The following CDKAL1 variants were observed in gnomAD, a reference collection of about 807,000 sequenced individuals.
The protein encoded by CDKAL1 is CDKAL1 threonylcarbamoyladenosine tRNA methylthiotransferase.
CDKAL1 carries 32 observed loss-of-function variants against 68.2 expected under a neutral mutation model. The observed-to-expected ratio is 0.47, with a 90% CI of 0.35 to 0.63. The LOEUF (loss-of-function observed/expected upper bound fraction) is 0.63, where lower values mean the gene tolerates loss of function less well. Among genes scored for constraint, CDKAL1 ranks in the 30% least tolerant of loss-of-function variants. The pLI is 0.00. For synonymous variants in CDKAL1, 234 were observed against 244.3 expected (o/e 0.96, Z 0.39); for missense variants, 606 against 696.7 (o/e 0.87, Z 1.47).
intron 8 of CDKAL1, among the ~76,000 whole-genome samples, chr6:20,786,751 C>T (rs953546412): frequency 6.6e-6 from 1 of 152,050 alleles, no homozygotes; most frequent in Admixed American, 6.5e-5. Context: ...CCTGCCTCGG[C>T]CTCCCAGTGT....
chr6:20,922,136 A>T (rs1762983545), intron 9 of CDKAL1, among the ~76,000 whole-genome samples: 1 of 152,214 alleles, frequency 6.6e-6, no homozygotes, highest in African/African-American at 2.4e-5. Flanking sequence ...AGAGAAAAGA[A>T]CCATCTCAAA....
At chr6:21,152,436 G>A (rs1021387889) in intron 13 of CDKAL1, among the ~76,000 whole-genome samples, 1 of 152,198 alleles carries the variant, frequency 6.6e-6, no homozygotes, top group Non-Finnish European at 1.5e-5. Context: ...TCTTGAGTAA[G>A]ATGAAGTTCC....
At chr6:20,769,917 C>T (rs752659688) in intron 7 of CDKAL1, among the ~76,000 whole-genome samples, 10 of 152,108 alleles carry the variant, frequency 6.6e-5, no homozygotes, top group Non-Finnish European at 8.8e-5. Flanking sequence ...TTCTGTGAAG[C>T]TGTTAATATT....
At chr6:20,595,142 A>G (rs1765765261) in intron 4 of CDKAL1, among the ~76,000 whole-genome samples, 1 of 151,948 alleles carries the variant, frequency 6.6e-6, no homozygotes, top group South Asian at 2.1e-4. Context: ...TCTGACGATT[A>G]TGTGTCTTGG....
chr6:20,661,296 G>A (rs532117943), intron 5 of CDKAL1, among the ~76,000 whole-genome samples: 1 of 152,194 alleles, frequency 6.6e-6, no homozygotes, highest in East Asian at 1.9e-4. Flanking sequence ...TTCTGTTGTT[G>A]CGAGGATTTT....
chr6:20,803,710 G>A (rs1430064421), intron 8 of CDKAL1, among the ~76,000 whole-genome samples: 1 of 152,094 alleles, frequency 6.6e-6, no homozygotes, highest in Non-Finnish European at 1.5e-5. Flanking sequence ...GTAGAGATGG[G>A]GCTCTAGTTG....
rs149496721 is a variant in CDKAL1, at chr6:21,106,499, C to T, written c.1237-1902C>T. 4.3e-3 allele frequency among the ~76,000 whole-genome samples: 656 copies of T among 152,226 alleles called. 5 individuals are homozygous for T. The highest frequency in any genetic ancestry group is 0.014 in the African/African-American group (601 of 41,524). Reference sequence around the variant, plus strand: ...GCTGAGGCAAAAGGATCACTTGGGCCCAGGAGCCCAAGGCTGCAGTGAGCG... The same window carrying T: ...GCTGAGGCAAAAGGATCACTTGGGCTCAGGAGCCCAAGGCTGCAGTGAGCG... On this transcript the variant is annotated intron_variant, in intron 12 of 15. Coordinates refer to ENST00000274695, the MANE Select transcript of CDKAL1 (RefSeq NM_017774.3).
At chr6:20,898,900 G>C (rs1205735832) in intron 9 of CDKAL1, among the ~76,000 whole-genome samples, 1 of 152,024 alleles carries the variant, frequency 6.6e-6, no homozygotes, top group Non-Finnish European at 1.5e-5. Flanking sequence ...CAGAATATTA[G>C]TTCTAAGAGG....
At chr6:20,802,944 A>G (rs1239321413) in intron 8 of CDKAL1, among the ~76,000 whole-genome samples, 1 of 152,192 alleles carries the variant, frequency 6.6e-6, no homozygotes, top group Non-Finnish European at 1.5e-5. Flanking sequence ...TGCAGAAGAG[A>G]CATCCTAACA....
Position 20,911,766 on chromosome 6 carries a change from A to T in CDKAL1, c.743-43653A>T, listed in dbSNP as rs528864407. Among the ~76,000 whole-genome samples the T allele has an allele frequency of 2.6e-5, 4 of 152,246 alleles. No homozygotes were observed. In the East Asian group the frequency reaches 7.7e-4, roughly 29 times the overall value. Reference sequence around the variant, plus strand: ...GTTCCTTTCTCTTGTGTCTTCCCCAACCTCTGAGATTTGTGACACAGACTT... The same window carrying T: ...GTTCCTTTCTCTTGTGTCTTCCCCATCCTCTGAGATTTGTGACACAGACTT... On this transcript the variant is annotated intron_variant, in intron 9 of 15. Transcript: ENST00000274695.
intron 9 of CDKAL1, among the ~76,000 whole-genome samples, chr6:20,863,059 A>G (rs947930686): frequency 6.6e-6 from 1 of 152,200 alleles, no homozygotes; most frequent in Non-Finnish European, 1.5e-5. Flanking sequence ...ACTGGACTAT[A>G]TGCATATTTA....
intron 12 of CDKAL1, among the ~76,000 whole-genome samples, chr6:21,099,565 A>G (rs1773480676): frequency 6.6e-6 from 1 of 152,224 alleles, no homozygotes; most frequent in African/African-American, 2.4e-5. Flanking sequence ...CAGGTAGTCC[A>G]GGAAAGAAAA....
chr6:21,141,265 CT>C (rs1226718461), intron 13 of CDKAL1, among the ~76,000 whole-genome samples: 8 of 152,206 alleles, frequency 5.3e-5, no homozygotes, highest in East Asian at 3.9e-4. Flanking sequence ...TCCTGACCTA[CT>C]TTCTCTTCTA....
intron 6 of CDKAL1, among the ~76,000 whole-genome samples, chr6:20,757,985 G>C (rs1774297486): frequency 6.6e-6 from 1 of 151,948 alleles, no homozygotes; most frequent in Admixed American, 6.5e-5. Context: ...GGTTCTCTAG[G>C]AAGCATTCCT....
intron 5 of CDKAL1, among the ~76,000 whole-genome samples, chr6:20,734,075 G>A (rs1439541247): frequency 6.6e-6 from 1 of 151,544 alleles, no homozygotes; most frequent in African/African-American, 2.4e-5. Flanking sequence ...ATTGAACCTG[G>A]GAGATAGAGG....
At chr6:20,596,938 C>T (rs1051800994) in intron 4 of CDKAL1, among the ~76,000 whole-genome samples, 29 of 152,224 alleles carry the variant, frequency 1.9e-4, no homozygotes, top group African/African-American at 5.8e-4. Flanking sequence ...GGCAACGCCC[C>T]GCCCTGCTTC....
At chr6:20,909,241 C>A (rs993427127) in intron 9 of CDKAL1, among the ~76,000 whole-genome samples, 1 of 151,300 alleles carries the variant, frequency 6.6e-6, no homozygotes, top group African/African-American at 2.4e-5. Context: ...GAATTTAAGC[C>A]CCTATGGTAC....
chr6:20,979,620 A>G (rs1766007675), intron 10 of CDKAL1, among the ~76,000 whole-genome samples: 1 of 152,104 alleles, frequency 6.6e-6, no homozygotes, highest in South Asian at 2.1e-4. Context: ...GACAGGAGAT[A>G]GGAATGGAAA....
chr6:20,659,133 C>T (rs1018163768), intron 5 of CDKAL1, among the ~76,000 whole-genome samples: 1 of 152,024 alleles, frequency 6.6e-6, no homozygotes, highest in African/African-American at 2.4e-5. Context: ...CCTTGCCTGA[C>T]TTCCAAAATT....
Sources: gnomAD v4.1 joint callset for allele counts (sites outside exome capture counted in the v4.1 genomes callset) on GRCh38, gnomAD v4.1.1 for gene constraint, MANE v1.5 for transcripts, NCBI Gene and HGNC (gene_info 2026-07-23, HGNC 2026-07-21) for gene names.